Variants in CDK6 observed in about 807,000 individuals in gnomAD.
The protein encoded by CDK6 is cyclin-dependent kinase 6.
A neutral mutation model predicts 37.1 loss-of-function variants in CDK6; 6 were observed. The observed-to-expected ratio is 0.16, with a 90% CI of 0.09 to 0.32. CDK6 has a LOEUF of 0.32. Ranked by LOEUF, CDK6 falls within the 10% of genes least tolerant of loss-of-function variation. CDK6 has a pLI of 1.00. For missense variants in CDK6, 224 were observed against 418.9 expected, an observed-to-expected ratio of 0.53 and a Z score of 4.06; for synonymous variants, 160 against 161.3, an observed-to-expected ratio of 0.99 and a Z score of 0.06.
At chr7:92,641,033 A>G (rs1379305119) in intron 5 of CDK6, among the ~76,000 whole-genome samples, 2 of 152,236 alleles carry the variant, frequency 1.3e-5, no homozygotes, top group Admixed American at 1.3e-4. Context: ...GCATGATCTA[A>G]TTTTACAAGA....
At chr7:92,757,234 A>G (rs1011823221) in intron 3 of CDK6, among the ~76,000 whole-genome samples, 3 of 152,142 alleles carry the variant, frequency 2.0e-5, no homozygotes, top group Admixed American at 2.0e-4. Flanking sequence ...TCTGTTGTAC[A>G]GATTATTTCA....
chr7:92,705,478 T>A (rs1188976302), intron 4 of CDK6, among the ~76,000 whole-genome samples: 2 of 152,108 alleles, frequency 1.3e-5, no homozygotes, highest in Admixed American at 6.5e-5. Context: ...TGAGCAGCAT[T>A]AAAAAAACTT....
chr7:92,672,200 C>CACACACAG (rs1797100477), intron 4 of CDK6, among the ~76,000 whole-genome samples: 5 of 121,808 alleles, frequency 4.1e-5, no homozygotes, highest in Non-Finnish European at 6.7e-5. Flanking sequence ...TACACACACA[C>CACACACAG]ACACACACAC....
intron 2 of CDK6, among the ~76,000 whole-genome samples, chr7:92,829,195 G>C (rs1801412828): frequency 6.6e-6 from 1 of 152,088 alleles, no homozygotes; most frequent in African/African-American, 2.4e-5. Context: ...CTTTAAAAAA[G>C]AGAGAAAATT....
intron 5 of CDK6, chr7:92,671,088 A>G (rs192520944): frequency 7.4e-4 from 124 of 166,702 alleles, no homozygotes; most frequent in African/African-American, 2.6e-3. Context: ...TCCTATGGAT[A>G]AAGTCCACTT....
At chr7:92,748,753 T>C (rs1211456045) in intron 3 of CDK6, among the ~76,000 whole-genome samples, 2 of 152,166 alleles carry the variant, frequency 1.3e-5, no homozygotes, top group African/African-American at 4.8e-5. Flanking sequence ...AGTACTTCCT[T>C]AAATCTAGTT....
chr7:92,778,820 C>T (rs1321789258), intron 2 of CDK6, among the ~76,000 whole-genome samples: 1 of 151,024 alleles, frequency 6.6e-6, no homozygotes, highest in Non-Finnish European at 1.5e-5. Context: ...AAAAATATTT[C>T]CCATTATAAT....
At chr7:92,680,205 G>C (rs527730052) in intron 4 of CDK6, among the ~76,000 whole-genome samples, 1 of 150,842 alleles carries the variant, frequency 6.6e-6, no homozygotes, top group African/African-American at 2.4e-5. Flanking sequence ...GGCTGAGGAG[G>C]GCGGATGACC....
At chr7:92,818,224 T>C (rs1050629565) in intron 2 of CDK6, among the ~76,000 whole-genome samples, 11 of 151,946 alleles carry the variant, frequency 7.2e-5, no homozygotes, top group African/African-American at 2.7e-4. Flanking sequence ...GTAATCAAAG[T>C]ATGACATTGG....
intron 3 of CDK6, among the ~76,000 whole-genome samples, chr7:92,770,865 G>A (rs540175304): frequency 6.6e-6 from 1 of 152,250 alleles, no homozygotes; most frequent in South Asian, 2.1e-4. Context: ...AGAGGAAAGT[G>A]GGTAGAGGAA....
chr7:92,684,255 C>T (rs573543694), intron 4 of CDK6, among the ~76,000 whole-genome samples: 1 of 152,300 alleles, frequency 6.6e-6, no homozygotes, highest in South Asian at 2.1e-4. Context: ...TCTAAATGAC[C>T]TCAGGTCTTT....
intron 2 of CDK6, among the ~76,000 whole-genome samples, chr7:92,807,892 T>A (rs947258665): frequency 6.6e-6 from 1 of 152,278 alleles, no homozygotes; most frequent in Middle Eastern, 3.4e-3. Context: ...CAATAAAGGA[T>A]ATATCTTGAA....
Position 92,611,511 on chromosome 7 carries a change from A to G in CDK6, c.*3629T>C, listed in dbSNP as rs1396679252. ...ATGTTTATGATATTAGGAAGCTTAC[A>G]TAATTTAATTTCCACAATGGAACAA... On this transcript the variant is annotated 3_prime_UTR_variant, in exon 8 of 8. Coordinates refer to ENST00000424848, the MANE Select transcript of CDK6 (RefSeq NM_001145306.2). 4.4e-6 allele frequency: 1 copy of G among 227,542 alleles called. No individual in the cohort carries two copies. Among genetic ancestry groups the G allele is most frequent in the Non-Finnish European group, 8.7e-6 (1 of 114,608 alleles). The allele number at this position is 227,542 out of a possible 1,614,324, so 14.1% of individuals were successfully genotyped here.
chr7:92,637,574 C>CTAA (rs976529183), intron 5 of CDK6, among the ~76,000 whole-genome samples: 15 of 152,064 alleles, frequency 9.9e-5, no homozygotes, highest in Non-Finnish European at 2.9e-5. Flanking sequence ...ACATCAACAG[C>CTAA]TAATAATAAT....
intron 2 of CDK6, among the ~76,000 whole-genome samples, chr7:92,803,198 C>T (rs761266550): frequency 3.9e-5 from 6 of 152,106 alleles, no homozygotes; most frequent in Non-Finnish European, 8.8e-5. Context: ...TAAGTACTTG[C>T]AATATGGTTA....
rs951860566 is a variant in CDK6 at position 92,661,325 on chromosome 7, T to C, written c.647+10101A>G. On this transcript the variant is annotated intron_variant, in intron 5 of 7. Transcript: ENST00000424848. ...AGTTATTCTGAGATTAAAATGAAAT[T>C]GTGTATTTTAAAGCACCAAATATAG... is the stretch of plus-strand genomic sequence containing the variant. 2.0e-5 allele frequency among the ~76,000 whole-genome samples: 3 copies of C among 152,102 alleles called. No individual in the cohort carries two copies. In the East Asian group the frequency reaches 5.8e-4, roughly 29 times the overall value.
chr7:92,805,620 C>T (rs6975014), intron 2 of CDK6, among the ~76,000 whole-genome samples: 61 of 152,068 alleles, frequency 4.0e-4, no homozygotes, highest in African/African-American at 1.4e-3. Context: ...AGTTTTATAC[C>T]GGTCTAGTAA....
chr7:92,688,593 A>T lies in CDK6; in HGVS notation c.538-17058T>A, dbSNP rs1251586927. On this transcript the variant is annotated intron_variant, in intron 4 of 7. Transcript: ENST00000424848. ...GACTACATATACATCACACACACAC[A>T]CACACACACACACACACACACACAC... Among the ~76,000 whole-genome samples the T allele has an allele frequency of 2.5e-3, 364 of 147,786 alleles. 1 individual carries two copies. Among genetic ancestry groups the T allele is most frequent in the African/African-American group, 8.8e-3 (349 of 39,708 alleles).
At chr7:92,748,134 C>T (rs1799103544) in intron 3 of CDK6, among the ~76,000 whole-genome samples, 1 of 152,168 alleles carries the variant, frequency 6.6e-6, no homozygotes. Flanking sequence ...ACTGCATGTT[C>T]TATACTCAGA....
Sources: gnomAD v4.1 joint callset for allele counts (sites outside exome capture counted in the v4.1 genomes callset) on GRCh38, gnomAD v4.1.1 for gene constraint, MANE v1.5 for transcripts, NCBI Gene and HGNC (gene_info 2026-07-23, HGNC 2026-07-21) for gene names.